Variants in PDE4D observed in about 807,000 individuals in gnomAD.
PDE4D encodes phosphodiesterase 4D.
In PDE4D, 24 loss-of-function variants were observed where a neutral mutation model predicts 87.4. The observed-to-expected ratio is 0.27, with a 90% CI of 0.20 to 0.39. The LOEUF (loss-of-function observed/expected upper bound fraction) is 0.39, where lower values mean the gene tolerates loss of function less well. Among genes scored for constraint, PDE4D ranks in the 10% least tolerant of loss-of-function variants. PDE4D has a pLI of 1.00. For missense variants in PDE4D, 714 were observed against 1,041.0 expected (o/e 0.69, Z 4.32); for synonymous variants, 384 against 383.2 (o/e 1.00, Z -0.02).
chr5:59,195,765 C>T (rs536769432), intron 2 of PDE4D, among the ~76,000 whole-genome samples: 1 of 152,278 alleles, frequency 6.6e-6, no homozygotes, highest in East Asian at 1.9e-4. Context: ...GAAAAATGTG[C>T]TTACCACACA....
chr5:60,457,046 G>T (rs1267456719), intron 1 of PDE4D, among the ~76,000 whole-genome samples: 2 of 152,140 alleles, frequency 1.3e-5, no homozygotes, highest in Non-Finnish European at 1.5e-5. Flanking sequence ...CAAAAATGAG[G>T]TCAGAGCAGT....
At chr5:59,374,289 CA>C (rs571228379) in intron 1 of PDE4D, among the ~76,000 whole-genome samples, 50 of 152,196 alleles carry the variant, frequency 3.3e-4, no homozygotes, top group African/African-American at 1.0e-3. Flanking sequence ...ACCCATCTCA[CA>C]TGCAATGATA....
intron 1 of PDE4D, among the ~76,000 whole-genome samples, chr5:60,386,475 A>G (rs903525533): frequency 6.6e-6 from 1 of 152,052 alleles, no homozygotes; most frequent in African/African-American, 2.4e-5. Context: ...CCAATTAGAT[A>G]CTCCTAAAAG....
chr5:59,052,465 T>C (rs999106082), intron 5 of PDE4D, among the ~76,000 whole-genome samples: 2 of 152,056 alleles, frequency 1.3e-5, no homozygotes, highest in Admixed American at 1.3e-4. Flanking sequence ...ATTGTGGGAA[T>C]TGGATAAGTG....
intron 1 of PDE4D, among the ~76,000 whole-genome samples, chr5:59,432,470 T>G (rs746651115): frequency 1.3e-5 from 2 of 152,114 alleles, no homozygotes; most frequent in Non-Finnish European, 1.5e-5. Flanking sequence ...TGCTTGTATT[T>G]CTGAAAATGG....
chr5:59,539,387 C>CA (rs1482541341), intron 1 of PDE4D, among the ~76,000 whole-genome samples: 2 of 152,044 alleles, frequency 1.3e-5, no homozygotes, highest in African/African-American at 4.8e-5. Flanking sequence ...CCCTACCCCC[C>CA]AAAAAATTCT....
chr5:59,518,634 G>A (rs911395174), intron 1 of PDE4D, among the ~76,000 whole-genome samples: 2 of 152,140 alleles, frequency 1.3e-5, no homozygotes, highest in African/African-American at 4.8e-5. Context: ...GGGGAAGATG[G>A]CAATAGTCAG....
intron 5 of PDE4D, among the ~76,000 whole-genome samples, chr5:59,171,813 ATATAATTAT>A (rs1354082429): frequency 5.1e-5 from 4 of 78,632 alleles, no homozygotes; most frequent in African/African-American, 1.7e-4. Context: ...TAAATATATA[ATATAATTAT>A]TTAATATATA....
At chr5:59,275,581 C>CA in intron 1 of PDE4D, 1 of 1,381,886 alleles carries the variant, frequency 7.2e-7, no homozygotes, top group Non-Finnish European at 9.3e-7. Flanking sequence ...AAGGTTCTAA[C>CA]ACGCAGGAGC....
intron 1 of PDE4D, chr5:59,587,390 G>T: frequency 1.1e-6 from 1 of 918,884 alleles, no homozygotes; most frequent in Non-Finnish European, 1.3e-6. Flanking sequence ...TTTCCAATAG[G>T]TGTCATTTAT....
intron 1 of PDE4D, among the ~76,000 whole-genome samples, chr5:59,401,356 A>G (rs1343709316): frequency 6.6e-6 from 1 of 152,046 alleles, no homozygotes; most frequent in African/African-American, 2.4e-5. Flanking sequence ...CTGGAGCCCA[A>G]ACGTTCAAGG....
chr5:59,066,869 A>G (rs1580618929), intron 5 of PDE4D, among the ~76,000 whole-genome samples: 1 of 152,114 alleles, frequency 6.6e-6, no homozygotes, highest in African/African-American at 2.4e-5. Flanking sequence ...GGCACTATCT[A>G]TGACCCAGGA....
intron 1 of PDE4D, among the ~76,000 whole-genome samples, chr5:59,734,822 TG>T (rs2150629148): frequency 6.6e-6 from 1 of 152,246 alleles, no homozygotes; most frequent in African/African-American, 2.4e-5. Context: ...TTAACCTGAG[TG>T]AGTCCAGTCA....
intron 1 of PDE4D, among the ~76,000 whole-genome samples, chr5:60,242,371 C>T (rs953866508): frequency 6.6e-6 from 1 of 152,040 alleles, no homozygotes; most frequent in Non-Finnish European, 1.5e-5. Flanking sequence ...AGGAAAATAA[C>T]AGCTGGAGAG....
At chr5:59,026,474 G>A (rs1756264616) in intron 6 of PDE4D, among the ~76,000 whole-genome samples, 3 of 152,202 alleles carry the variant, frequency 2.0e-5, no homozygotes, top group Admixed American at 1.3e-4. Context: ...ACTACAAAAT[G>A]TTATATTGAC....
intron 1 of PDE4D, among the ~76,000 whole-genome samples, chr5:60,422,882 A>G (rs984611999): frequency 5.9e-5 from 9 of 152,230 alleles, no homozygotes; most frequent in African/African-American, 2.2e-4. Context: ...AAAAAGAAGC[A>G]GGGGTTGCAA....
At chr5:59,253,795 G>T (rs1397722498) in intron 1 of PDE4D, among the ~76,000 whole-genome samples, 1 of 151,954 alleles carries the variant, frequency 6.6e-6, no homozygotes, top group East Asian at 1.9e-4. Context: ...CCTCCAGCTG[G>T]AAATCAAGCC....
intron 1 of PDE4D, among the ~76,000 whole-genome samples, chr5:60,420,368 G>A (rs1267344154): frequency 2.0e-5 from 3 of 152,132 alleles, no homozygotes; most frequent in African/African-American, 7.2e-5. Context: ...GAATAGGTTG[G>A]GAAAGCACCT....
intron 1 of PDE4D, among the ~76,000 whole-genome samples, chr5:60,437,398 A>G (rs1744845458): frequency 6.6e-6 from 1 of 152,124 alleles, no homozygotes; most frequent in South Asian, 2.1e-4. Flanking sequence ...GTACTGAGCA[A>G]AGTGCCTTAT....
Sources: gnomAD v4.1 joint callset for allele counts (sites outside exome capture counted in the v4.1 genomes callset) on GRCh38, gnomAD v4.1.1 for gene constraint, MANE v1.5 for transcripts, NCBI Gene and HGNC (gene_info 2026-07-23, HGNC 2026-07-21) for gene names.